The following CCSER1 variants were observed in gnomAD, a reference collection of about 807,000 sequenced individuals.
The protein encoded by CCSER1 is coiled-coil serine rich protein 1, also known as serine-rich coiled-coil domain-containing protein 1.
In CCSER1, 41 loss-of-function variants were observed where a neutral mutation model predicts 82.0. That is an observed-to-expected ratio of 0.50 (90% CI 0.39 to 0.65). The LOEUF (loss-of-function observed/expected upper bound fraction) is 0.65, where lower values mean the gene tolerates loss of function less well. Among genes scored for constraint, CCSER1 ranks in the 30% least tolerant of loss-of-function variants. The probability of loss-of-function intolerance (pLI) is 0.00; values close to 1 mark genes in which losing one functional copy is unlikely to be tolerated. For missense variants in CCSER1, 1,119 were observed against 1,064.2 expected (o/e 1.05, Z -0.72); for synonymous variants, 414 against 383.9 (o/e 1.08, Z -0.92).
At chr4:90,701,415 C>T (rs544989183) in intron 6 of CCSER1, among the ~76,000 whole-genome samples, 2 of 152,182 alleles carry the variant, frequency 1.3e-5, no homozygotes, top group African/African-American at 2.4e-5. Flanking sequence ...TATCAGGTAG[C>T]GTGATGCCTC....
intron 1 of CCSER1, among the ~76,000 whole-genome samples, chr4:90,268,521 A>C (rs1725661416): frequency 6.6e-6 from 1 of 152,102 alleles, no homozygotes; most frequent in Non-Finnish European, 1.5e-5. Flanking sequence ...CCTCATGGTA[A>C]TCTCAAATAA....
chr4:91,221,233 C>T (rs887651794), intron 10 of CCSER1, among the ~76,000 whole-genome samples: 4 of 151,904 alleles, frequency 2.6e-5, no homozygotes, highest in African/African-American at 9.7e-5. Flanking sequence ...AGTTGTTTTC[C>T]TCTAACATCT....
rs138321108 is a variant in CCSER1 at position 91,163,913 on chromosome 4, C to T, written c.2217+77919C>T. Among the ~76,000 whole-genome samples the T allele has an allele frequency of 5.4e-3, 822 of 152,222 alleles. 7 individuals are homozygous for T. Among genetic ancestry groups the T allele is most frequent in the African/African-American group, 0.019 (779 of 41,540 alleles). Reference sequence around the variant, plus strand: ...GGGAGTCTGTGTCTTTTAATCAGGGCATTTAGCCCATTTACATTTAAGGTT... The same window carrying T: ...GGGAGTCTGTGTCTTTTAATCAGGGTATTTAGCCCATTTACATTTAAGGTT... On this transcript the variant is annotated intron_variant, in intron 10 of 10. Coordinates refer to ENST00000509176, the MANE Select transcript of CCSER1 (RefSeq NM_001145065.2).
rs1365788396 is a variant in CCSER1 at position 91,513,333 on chromosome 4, A to G, written c.2218-85239A>G. Among the ~76,000 whole-genome samples, 4 of 152,296 alleles carry G rather than the reference A, an allele frequency of 2.6e-5. No individual in the cohort carries two copies. In the South Asian group the frequency reaches 8.3e-4, roughly 32 times the overall value. ...GAAGCCATGTTATCATGGTGAATTA[A>G]CTTTTTGACATGCTACTGGATTTGG... On this transcript the variant is annotated intron_variant, in intron 10 of 10. Coordinates refer to ENST00000509176, the MANE Select transcript of CCSER1 (RefSeq NM_001145065.2).
chr4:90,835,038 T>G (rs1761611375), intron 8 of CCSER1, among the ~76,000 whole-genome samples: 1 of 152,192 alleles, frequency 6.6e-6, no homozygotes, highest in African/African-American at 2.4e-5. Flanking sequence ...GGGCTTTTAA[T>G]TTTACCTTTT....
intron 10 of CCSER1, among the ~76,000 whole-genome samples, chr4:91,476,430 G>C (rs1416839524): frequency 6.6e-6 from 1 of 151,588 alleles, no homozygotes; most frequent in Non-Finnish European, 1.5e-5. Flanking sequence ...CAATTTGTGT[G>C]TCTTGGAAGA....
intron 4 of CCSER1, among the ~76,000 whole-genome samples, chr4:90,454,161 A>T (rs1161733843): frequency 1.3e-5 from 2 of 151,068 alleles, no homozygotes; most frequent in Non-Finnish European, 2.9e-5. Context: ...AGGTACATCT[A>T]GGGGACTCTG....
At chr4:90,576,430 G>A (rs1304722496) in intron 5 of CCSER1, among the ~76,000 whole-genome samples, 2 of 151,952 alleles carry the variant, frequency 1.3e-5, no homozygotes, top group African/African-American at 4.8e-5. Flanking sequence ...TCATTCTATG[G>A]GTTTTGATAA....
chr4:90,868,045 T>TA (rs1396954336), intron 8 of CCSER1, among the ~76,000 whole-genome samples: 8 of 152,052 alleles, frequency 5.3e-5, no homozygotes, highest in African/African-American at 1.7e-4. Flanking sequence ...ATTTTCTTTT[T>TA]AAAAAATTTT....
intron 1 of CCSER1, among the ~76,000 whole-genome samples, chr4:90,192,455 G>A (rs1397196227): frequency 6.6e-6 from 1 of 152,036 alleles, no homozygotes; most frequent in African/African-American, 2.4e-5. Context: ...TTTATTATGA[G>A]AAGCAATATT....
chr4:90,637,672 G>C (rs1452434627), intron 6 of CCSER1, among the ~76,000 whole-genome samples: 1 of 152,134 alleles, frequency 6.6e-6, no homozygotes, highest in African/African-American at 2.4e-5. Context: ...AGCAACTCAA[G>C]TATAGTTTTC....
chr4:90,960,819 G>T (rs1331103411), intron 9 of CCSER1, among the ~76,000 whole-genome samples: 1 of 152,138 alleles, frequency 6.6e-6, no homozygotes, highest in African/African-American at 2.4e-5. Flanking sequence ...CTATGAAGTT[G>T]TGAAATACTT....
chr4:91,163,617 G>A (rs953404131), intron 10 of CCSER1, among the ~76,000 whole-genome samples: 5 of 152,156 alleles, frequency 3.3e-5, no homozygotes, highest in African/African-American at 4.8e-5. Context: ...AGATGCTTCT[G>A]TGTTGGGTAC....
At chr4:90,283,163 G>C (rs769850072) in intron 1 of CCSER1, among the ~76,000 whole-genome samples, 4 of 151,616 alleles carry the variant, frequency 2.6e-5, no homozygotes, top group Non-Finnish European at 5.9e-5. Flanking sequence ...CAAACTCCTT[G>C]GTTATTCATA....
intron 9 of CCSER1, among the ~76,000 whole-genome samples, chr4:91,029,429 T>C (rs962776035): frequency 1.3e-5 from 2 of 152,058 alleles, no homozygotes; most frequent in African/African-American, 4.8e-5. Flanking sequence ...AAATACTTTT[T>C]GAAAAGCAGG....
At chr4:91,597,281 A>T (rs2110358390) in intron 10 of CCSER1, among the ~76,000 whole-genome samples, 1 of 152,254 alleles carries the variant, frequency 6.6e-6, no homozygotes, top group Non-Finnish European at 1.5e-5. Flanking sequence ...TGAGAGCAAT[A>T]GCAGAGTGTT....
chr4:90,892,221 T>C (rs1723064344), intron 8 of CCSER1, among the ~76,000 whole-genome samples: 1 of 152,028 alleles, frequency 6.6e-6, no homozygotes, highest in Admixed American at 6.6e-5. Flanking sequence ...GAAAGGCTTA[T>C]TTTTATACTG....
chr4:91,603,168 A>T lies in CCSER1; in HGVS notation c.*4111A>T, dbSNP rs2110369738. ...ACTGGTCATTTTTTTAAAAAGCTGA[A>T]TTACACTGTAGTATAAAAGCAAACA... is the stretch of plus-strand genomic sequence containing the variant. On this transcript the variant is annotated 3_prime_UTR_variant, in exon 11 of 11. Transcript: ENST00000509176. 6.6e-6 allele frequency: 1 copy of T among 152,230 alleles called. No homozygotes were observed. The highest frequency in any genetic ancestry group is 6.6e-5 in the Admixed American group (1 of 15,262). 9.4% of individuals were successfully genotyped at this position (152,230 alleles called of 1,614,324 possible). A position where few individuals can be genotyped will look rare whatever the true frequency, so the allele number is the denominator to read the frequency against.
At chr4:91,229,606 C>A (rs1422915885) in intron 10 of CCSER1, among the ~76,000 whole-genome samples, 2 of 152,012 alleles carry the variant, frequency 1.3e-5, no homozygotes, top group African/African-American at 4.8e-5. Context: ...CAATGATAGA[C>A]TAGATAAAGA....
Sources: allele counts gnomAD v4.1 joint callset (sites outside exome capture counted in the v4.1 genomes callset), GRCh38; gene constraint gnomAD v4.1.1; transcripts MANE v1.5; gene names NCBI Gene and HGNC (gene_info 2026-07-23, HGNC 2026-07-21).